KIF25: variants seen among roughly 807,000 people sequenced by gnomAD.
The protein encoded by KIF25 is kinesin family member 25, also known as kinesin-like protein KIF25.
A neutral mutation model predicts 32.9 loss-of-function variants in KIF25; 19 were observed. The ratio of observed to expected loss-of-function variants is 0.58; its 90% CI spans 0.40 to 0.85. The LOEUF (loss-of-function observed/expected upper bound fraction) is 0.85, where lower values mean the gene tolerates loss of function less well. Among genes scored for constraint, KIF25 ranks in the 40% least tolerant of loss-of-function variants. The pLI, the probability that KIF25 is intolerant of heterozygous loss-of-function variation, is 0.00. For missense variants in KIF25, 485 were observed against 507.0 expected (o/e 0.96, Z 0.42); for synonymous variants, 225 against 213.7 (o/e 1.05, Z -0.46).
At position 168,009,597 on chromosome 6, in the gene KIF25, G is replaced by A. The variant is rs12212054; in HGVS notation, c.-163+5894G>A. On this transcript the variant is annotated intron_variant, in intron 4 of 12. Coordinates refer to ENST00000643607, the MANE Select transcript of KIF25 (RefSeq NM_030615.4). ...TATGCTGGCCTTGTAGAATGAGTTA[G>A]CAAGAATTCCCCCTGCTTCAGTTTT... Among the ~76,000 whole-genome samples the A allele has an allele frequency of 6.6e-3, 1,007 of 152,202 alleles. 6 individuals are homozygous for A. The highest frequency in any genetic ancestry group is 0.01 in the Non-Finnish European group (701 of 67,950).
rs1039627159 is a variant in KIF25 at position 168,042,839 on chromosome 6, G to A, written c.985+123G>A. 2.1e-5 allele frequency: 24 copies of A among 1,146,310 alleles called. 1 individual carries two copies. The highest frequency in any genetic ancestry group is 1.3e-4 in the East Asian group (5 of 39,470). The allele number at this position is 1,146,310 out of a possible 1,614,324, so 71.0% of individuals were successfully genotyped here. ...CACCCCCTGCACCTCCTGTGTCCTC[G>A]CTGTGGCTAGCTGGCACTCCCACGG... On this transcript the variant is annotated intron_variant, in intron 12 of 12. Transcript: ENST00000643607.
chr6:168,027,158 A>T (rs1168180180), intron 5 of KIF25, among the ~76,000 whole-genome samples: 1 of 152,162 alleles, frequency 6.6e-6, no homozygotes, highest in Non-Finnish European at 1.5e-5. Flanking sequence ...CAGGCATAGA[A>T]AAAGGGAAAG....
intron 5 of KIF25, among the ~76,000 whole-genome samples, chr6:168,020,772 A>G (rs1311749698): frequency 6.6e-6 from 1 of 152,258 alleles, no homozygotes; most frequent in African/African-American, 2.4e-5. Context: ...AAAATCCTCA[A>G]TCAAAAATAA....
intron 8 of KIF25, chr6:168,035,763 G>GTCAGATTT: frequency 2.2e-6 from 1 of 456,222 alleles, no homozygotes; most frequent in Non-Finnish European, 4.4e-6. Flanking sequence ...TTGCGGCACT[G>GTCAGATTT]GAATCCCTCA....
At chr6:168,017,947 G>GA (rs1171650300) in intron 4 of KIF25, 26 bp from the exon 5 acceptor site, 2 of 152,578 alleles carry the variant, frequency 1.3e-5, no homozygotes, top group East Asian at 3.8e-4. Context: ...AAAGTCTTAT[G>GA]ACGTCGTTTT....
At chr6:168,031,712 G>A (rs1034031551) in intron 7 of KIF25, among the ~76,000 whole-genome samples, 2 of 152,218 alleles carry the variant, frequency 1.3e-5, no homozygotes, top group African/African-American at 4.8e-5. Flanking sequence ...TAAGTAAGCA[G>A]ATTCCAGAAA....
rs962729518 is a variant in KIF25 at position 168,038,689 on chromosome 6, G to A, written c.454G>A (p.Ala152Thr). Reference protein sequence around the residue: ...VSGVKREVVTAKDGRTEVALL... With the variant: ...VSGVKREVVTTKDGRTEVALL... ...GGGGGTCAAGCGTGAGGTGGTGACA[G>A]CCAAGGATGGACGGACAGAGGTTGC... Residue 152 changes from alanine to threonine, a missense_variant, in exon 9 of 13, where the codon GCC becomes ACC. Coordinates refer to ENST00000643607, the MANE Select transcript of KIF25 (RefSeq NM_030615.4). 1.2e-6 allele frequency: 2 copies of A among 1,614,028 alleles called. No homozygotes were observed. The highest frequency in any genetic ancestry group is 2.2e-5 in the East Asian group (1 of 44,892).
chr6:168,000,766 C>A (rs575055795), intron 2 of KIF25, among the ~76,000 whole-genome samples: 1 of 152,134 alleles, frequency 6.6e-6, no homozygotes, highest in African/African-American at 2.4e-5. Flanking sequence ...TGGGGTTGGC[C>A]GTATGCACCA....
chr6:168,019,407 C>T (rs1001284081), intron 5 of KIF25, among the ~76,000 whole-genome samples: 3 of 152,084 alleles, frequency 2.0e-5, no homozygotes, highest in African/African-American at 7.2e-5. Context: ...AATGTAAACA[C>T]GTTGAGTGGA....
chr6:168,036,426 A>C (rs1799026985), intron 8 of KIF25, among the ~76,000 whole-genome samples: 1 of 152,208 alleles, frequency 6.6e-6, no homozygotes, highest in South Asian at 2.1e-4. Flanking sequence ...CGCCCCAGAG[A>C]GTCAGGGGAG....
At chr6:168,039,977 G>C (rs981140530) in intron 9 of KIF25, 88 bp from the exon 10 acceptor site, 1 of 1,460,720 alleles carries the variant, frequency 6.8e-7, no homozygotes, top group African/African-American at 1.4e-5. Flanking sequence ...TCATGTGAGA[G>C]GCTTCCCTGA....
At chr6:168,037,603 G>T (rs1016895784) in intron 8 of KIF25, among the ~76,000 whole-genome samples, 81 of 152,136 alleles carry the variant, frequency 5.3e-4, no homozygotes, top group African/African-American at 1.8e-3. Context: ...GGAATCCAGG[G>T]TTAGCACTCA....
intron 12 of KIF25, 74 bp from the exon 13 acceptor site, chr6:168,044,753 C>G: frequency 6.9e-7 from 1 of 1,445,748 alleles, no homozygotes. Flanking sequence ...ATCTCGGGCC[C>G]TGGTTGCTGG....
chr6:168,019,201 G>A (rs1798755517), intron 5 of KIF25, among the ~76,000 whole-genome samples: 1 of 152,176 alleles, frequency 6.6e-6, no homozygotes, highest in Non-Finnish European at 1.5e-5. Flanking sequence ...TCAAAACATG[G>A]CGCACCCAGT....
chr6:168,012,388 C>A (rs186807755), intron 4 of KIF25, among the ~76,000 whole-genome samples: 3 of 152,304 alleles, frequency 2.0e-5, no homozygotes, highest in Admixed American at 2.0e-4. Flanking sequence ...GCAATGTAGT[C>A]TCCATATTGT....
intron 5 of KIF25, among the ~76,000 whole-genome samples, chr6:168,027,589 G>T (rs1423288018): frequency 6.6e-6 from 1 of 152,156 alleles, no homozygotes; most frequent in African/African-American, 2.4e-5. Flanking sequence ...CCTTGGGTGT[G>T]GCTGGACATG....
chr6:168,005,699 C>G (rs1436381709), intron 4 of KIF25, among the ~76,000 whole-genome samples: 1 of 152,202 alleles, frequency 6.6e-6, no homozygotes, highest in African/African-American at 2.4e-5. Context: ...TAGGAAGCAT[C>G]CAGCACGGGA....
At chr6:168,031,499 C>T (rs1019517160) in intron 7 of KIF25, among the ~76,000 whole-genome samples, 1 of 152,198 alleles carries the variant, frequency 6.6e-6, no homozygotes, top group African/African-American at 2.4e-5. Context: ...CAGTGTGCTG[C>T]GCGTCCCAAA....
intron 4 of KIF25, among the ~76,000 whole-genome samples, chr6:168,016,434 C>T (rs193146196): frequency 6.8e-4 from 104 of 152,340 alleles, no homozygotes; most frequent in African/African-American, 2.3e-3. Context: ...GACCACGGAC[C>T]GCCCCAGCCA....
Sources: allele counts gnomAD v4.1 joint callset (sites outside exome capture counted in the v4.1 genomes callset), GRCh38; gene constraint gnomAD v4.1.1; transcripts MANE v1.5; gene names NCBI Gene and HGNC (gene_info 2026-07-23, HGNC 2026-07-21).